The following ZNF385D variants were observed in gnomAD, a reference collection of about 807,000 sequenced individuals.
ZNF385D encodes the protein zinc finger protein 385D, also known as zinc finger protein 659.
Under a neutral mutation model 35.8 loss-of-function variants are expected in ZNF385D, and 15 were observed. The observed-to-expected ratio is 0.42, with a 90% CI of 0.28 to 0.64. The LOEUF is 0.64. ZNF385D is among the 30% of genes least tolerant of loss of function. The probability of loss-of-function intolerance (pLI) is 0.23; values close to 1 mark genes in which losing one functional copy is unlikely to be tolerated. For synonymous variants in ZNF385D, 212 were observed against 186.8 expected (o/e 1.13, Z -1.10); for missense variants, 474 against 494.6 (o/e 0.96, Z 0.39).
At chr3:21,761,679 T>C (rs894279923) in intron 3 of ZNF385D, among the ~76,000 whole-genome samples, 2 of 152,104 alleles carry the variant, frequency 1.3e-5, no homozygotes, top group Non-Finnish European at 2.9e-5. Flanking sequence ...GCATGTCAAC[T>C]CTCAAGGGGG....
At chr3:21,760,243 C>T (rs898892444) in intron 3 of ZNF385D, among the ~76,000 whole-genome samples, 7 of 152,152 alleles carry the variant, frequency 4.6e-5, no homozygotes, top group African/African-American at 1.4e-4. Context: ...CTGCAGTATT[C>T]GCCACCACGA....
intron 3 of ZNF385D, among the ~76,000 whole-genome samples, chr3:21,965,889 C>T (rs1270304634): frequency 6.6e-6 from 1 of 152,020 alleles, no homozygotes; most frequent in Non-Finnish European, 1.5e-5. Context: ...AACAATAAAG[C>T]AAATGGGAAA....
At chr3:21,983,395 A>C in intron 3 of ZNF385D, among the ~76,000 whole-genome samples, 1 of 104,304 alleles carries the variant, frequency 9.6e-6, no homozygotes, top group South Asian at 3.8e-4. Context: ...ATTCCCACCT[A>C]TGAGTGAGAA....
At chr3:22,314,308 G>A (rs562541651) in intron 2 of ZNF385D, among the ~76,000 whole-genome samples, 6 of 151,958 alleles carry the variant, frequency 3.9e-5, no homozygotes, top group East Asian at 1.9e-4. Context: ...AAAGTCTATC[G>A]TATCATTCTT....
At chr3:21,587,450 A>C (rs988589939) in intron 2 of ZNF385D, among the ~76,000 whole-genome samples, 1 of 152,220 alleles carries the variant, frequency 6.6e-6, no homozygotes, top group Non-Finnish European at 1.5e-5. Flanking sequence ...CCCCAGGCTC[A>C]TTCTTCTCAT....
At chr3:21,938,925 C>A (rs935054795) in intron 3 of ZNF385D, among the ~76,000 whole-genome samples, 2 of 152,206 alleles carry the variant, frequency 1.3e-5, no homozygotes, top group Non-Finnish European at 2.9e-5. Context: ...TTGTTTGAAG[C>A]TCATGAGGTA....
At chr3:22,289,316 G>A (rs144551705) in intron 2 of ZNF385D, among the ~76,000 whole-genome samples, 1,581 of 152,208 alleles carry the variant, frequency 0.01, 12 homozygotes, top group African/African-American at 0.016. Context: ...AATTCATTAC[G>A]TGCAAGCTGT....
chr3:21,696,010 C>A (rs540655863), intron 1 of ZNF385D, among the ~76,000 whole-genome samples: 54 of 152,164 alleles, frequency 3.5e-4, no homozygotes, highest in Non-Finnish European at 6.5e-4. Flanking sequence ...GGTATTATAG[C>A]CCTGTTTTAC....
intron 2 of ZNF385D, among the ~76,000 whole-genome samples, chr3:22,187,458 T>G (rs2125788851): frequency 6.6e-6 from 1 of 152,134 alleles, no homozygotes; most frequent in East Asian, 1.9e-4. Flanking sequence ...GTGACTTTTT[T>G]TCTCTCCCTC....
chr3:21,457,416 C>A (rs1408412911), intron 4 of ZNF385D, among the ~76,000 whole-genome samples: 4 of 152,032 alleles, frequency 2.6e-5, no homozygotes, highest in African/African-American at 9.7e-5. Flanking sequence ...AGTGCAATGG[C>A]ATGATCTCAG....
At chr3:22,127,392 T>C (rs150820045) in intron 3 of ZNF385D, among the ~76,000 whole-genome samples, 4 of 135,406 alleles carry the variant, frequency 3.0e-5, no homozygotes, top group Non-Finnish European at 6.2e-5. Flanking sequence ...CAGGCTGGAA[T>C]GCAGTGGTGC....
chr3:21,544,494 G>T (rs1455044384), intron 3 of ZNF385D, among the ~76,000 whole-genome samples: 1 of 152,108 alleles, frequency 6.6e-6, no homozygotes, highest in Non-Finnish European at 1.5e-5. Flanking sequence ...TTCGCCTAGG[G>T]TTACAGGATT....
intron 3 of ZNF385D, among the ~76,000 whole-genome samples, chr3:21,920,583 C>A (rs1575918238): frequency 1.5e-5 from 2 of 131,734 alleles, no homozygotes; most frequent in African/African-American, 5.7e-5. Context: ...TGGAAGAATG[C>A]ATTTAGTGAT....
chr3:21,981,679 G>C (rs1009427305), intron 3 of ZNF385D, among the ~76,000 whole-genome samples: 1 of 151,994 alleles, frequency 6.6e-6, no homozygotes, highest in African/African-American at 2.4e-5. Flanking sequence ...TGTCTTCTAG[G>C]GTTTTTACAG....
At chr3:21,894,425 CCT>C (rs1300375415) in intron 3 of ZNF385D, among the ~76,000 whole-genome samples, 1 of 152,004 alleles carries the variant, frequency 6.6e-6, no homozygotes, top group East Asian at 1.9e-4. Context: ...CAAAAACATC[CCT>C]GAGTTTTAAA....
intron 3 of ZNF385D, among the ~76,000 whole-genome samples, chr3:22,018,184 C>A (rs144285360): frequency 2.0e-5 from 3 of 151,198 alleles, no homozygotes; most frequent in Admixed American, 2.0e-4. Flanking sequence ...TTTAAAGATG[C>A]GCAGTATCAA....
At chr3:21,579,278 G>A (rs1007372312) in intron 2 of ZNF385D, 1 of 152,144 alleles carries the variant, frequency 6.6e-6, no homozygotes, top group African/African-American at 2.4e-5. Context: ...AATCTATTCT[G>A]TTACCAGCTG....
chr3:21,636,386 A>ATGAT (rs2065441920), intron 2 of ZNF385D, among the ~76,000 whole-genome samples: 1 of 35,214 alleles, frequency 2.8e-5, no homozygotes, highest in Non-Finnish European at 5.3e-5. Context: ...GATTATATAT[A>ATGAT]TATATATATA....
chr3:21,531,194 A>AAAAC (rs1239932538), intron 3 of ZNF385D, among the ~76,000 whole-genome samples: 3 of 152,048 alleles, frequency 2.0e-5, no homozygotes, highest in African/African-American at 7.2e-5. Flanking sequence ...AAGGCAAATT[A>AAAAC]AAACAATGAG....
Sources: allele counts gnomAD v4.1 joint callset (sites outside exome capture counted in the v4.1 genomes callset), GRCh38; gene constraint gnomAD v4.1.1; transcripts MANE v1.5; gene names NCBI Gene and HGNC (gene_info 2026-07-23, HGNC 2026-07-21).